The following RSPH1 variants were observed in gnomAD, a reference collection of about 807,000 sequenced individuals.
RSPH1 encodes radial spoke head 1 homolog.
Under a neutral mutation model 44.2 loss-of-function variants are expected in RSPH1, and 32 were observed. That is an observed-to-expected ratio of 0.72 (90% CI 0.55 to 0.97). The LOEUF is 0.97. Among genes scored for constraint, RSPH1 ranks in the 50% least tolerant of loss-of-function variants. RSPH1 has a pLI of 0.00. For synonymous variants in RSPH1, 134 were observed against 147.3 expected, an observed-to-expected ratio of 0.91 and a Z score of 0.65; for missense variants, 391 against 398.7, an observed-to-expected ratio of 0.98 and a Z score of 0.16.
intron 6 of RSPH1, among the ~76,000 whole-genome samples, chr21:42,480,640 CAAAAAA>C (rs780506820): frequency 2.6e-5 from 1 of 38,744 alleles, no homozygotes; most frequent in African/African-American, 9.5e-5. Flanking sequence ...AACTCCATCT[CAAAAAA>C]AAAAAAAAAA....
At chr21:42,472,969 G>T in intron 8 of RSPH1, 99 bp from the exon 9 acceptor site, 2 of 798,310 alleles carry the variant, frequency 2.5e-6, no homozygotes, top group Non-Finnish European at 4.0e-6. Context: ...AAAAATTATT[G>T]TAACTATTAA....
chr21:42,477,247 C>T (rs370781736), intron 7 of RSPH1, 44 bp downstream of exon 7: 4 of 1,475,710 alleles, frequency 2.7e-6, no homozygotes, highest in South Asian at 2.3e-5. Context: ...GGGTGCCCCA[C>T]ACCCTCTGCC....
Position 42,472,872 on chromosome 21 carries a change from TGAAAA to T in RSPH1, c.878-7_878-3del, listed in dbSNP as rs1456503289. 3 of 1,599,952 alleles carry T rather than the reference TGAAAA, an allele frequency of 1.9e-6. No homozygotes were observed. Among genetic ancestry groups the T allele is most frequent in the African/African-American group, 2.7e-5 (2 of 74,578 alleles). On this transcript the variant is annotated splice_polypyrimidine_tract_variant and splice_region_variant and intron_variant, in intron 8 of 8. Transcript: ENST00000291536. ...CTTCTTCTTCAGAATTAATGTTTCC[TGAAAA>T]GAAAAGAGAAACATGAGTATATCTC...
intron 5 of RSPH1, 185 bp downstream of exon 5, chr21:42,485,484 C>T (rs987750550): frequency 1.5e-6 from 1 of 648,576 alleles, no homozygotes; most frequent in Non-Finnish European, 2.6e-6. Flanking sequence ...CTCCCTTCCC[C>T]CAATTCTGTG....
rs753629807 is a variant in RSPH1 at position 42,485,821 on chromosome 21, G to A, written c.366-17C>T. 3.1e-6 allele frequency: 5 copies of A among 1,613,892 alleles called. No individual in the cohort carries two copies. In the East Asian group the frequency reaches 1.1e-4, roughly 36 times the overall value. On this transcript the variant is annotated splice_polypyrimidine_tract_variant and intron_variant, in intron 4 of 8. Transcript: ENST00000291536. Reference sequence around the variant, plus strand: ...TGCCCATGCCTGGTTAAGACAAGGGGAACATGGTATTTCGTTCCAGCACAG... The same window carrying A: ...TGCCCATGCCTGGTTAAGACAAGGGAAACATGGTATTTCGTTCCAGCACAG...
intron 6 of RSPH1, among the ~76,000 whole-genome samples, chr21:42,479,726 TACACACACACAC>T (rs141751119): frequency 6.9e-5 from 10 of 145,152 alleles, no homozygotes; most frequent in South Asian, 2.2e-4. Context: ...TGTAGGAGGT[TACACACACACAC>T]ACACACACAC....
Position 42,475,909 on chromosome 21 carries a change from T to A in RSPH1, c.866A>T (p.Asp289Val), listed in dbSNP as rs1464904085. The change falls in exon 8 of 9, where the codon GAC (aspartate) becomes GTC (valine). Residue 289 changes from aspartate to valine, a missense_variant. Transcript: ENST00000291536. The stretch of plus-strand genomic sequence containing the variant: ...CGCAGGGACCTCACCCTCATCCATG[T>A]CATAGCGGAACTCCTCCTGGTCATA... ...REYDQEEFRY[D>V]MDEGNINSEE... 1 of 1,610,844 alleles carries A rather than the reference T, an allele frequency of 6.2e-7. No homozygotes were observed. The highest frequency in any genetic ancestry group is 8.5e-7 in the Non-Finnish European group (1 of 1,179,374).
intron 1 of RSPH1, 144 bp downstream of exon 1, chr21:42,495,989 G>T: frequency 1.2e-6 from 1 of 809,698 alleles, no homozygotes; most frequent in Non-Finnish European, 2.1e-6. Flanking sequence ...GGTGTGTCTG[G>T]CGTGGCCTTC....
In RSPH1 at chr21:42,477,291, T is replaced by G; in HGVS notation, c.727A>C (p.Ser243Arg). Residue 243 changes from serine (S) to arginine (R), a missense_variant and splice_region_variant, in exon 7 of 9, where the codon AGT becomes CGT. Transcript: ENST00000291536. ...GPGQDAPGAE[S>R]AGEPGEEAQA... ...CCCACAGCCCGGGGGTGCCCCACAC[T>G]CTCAGCTCCTGGAGCGTCTTGGCCA... 1 of 1,451,634 alleles carries G rather than the reference T, an allele frequency of 6.9e-7. No homozygotes were observed. The highest frequency in any genetic ancestry group is 1.6e-5 in the African/African-American group (1 of 62,452). 89.9% of individuals were successfully genotyped at this position (1,451,634 alleles called of 1,614,324 possible). A position where few individuals can be genotyped will look rare whatever the true frequency, so the allele number is the denominator to read the frequency against.
At chr21:42,482,122 C>T (rs1478309798) in intron 6 of RSPH1, among the ~76,000 whole-genome samples, 1 of 152,164 alleles carries the variant, frequency 6.6e-6, no homozygotes, top group Non-Finnish European at 1.5e-5. Flanking sequence ...CTCACTCTGT[C>T]GCCCAGGCTG....
intron 6 of RSPH1, among the ~76,000 whole-genome samples, chr21:42,482,123 G>T (rs569116629): frequency 6.6e-6 from 1 of 152,128 alleles, no homozygotes; most frequent in Non-Finnish European, 1.5e-5. Context: ...TCACTCTGTC[G>T]CCCAGGCTGG....
At position 42,496,214 on chromosome 21, in the gene RSPH1, G is replaced by C; in HGVS notation, c.-28C>G. 6.2e-7 allele frequency: 1 copy of C among 1,613,454 alleles called. No homozygotes were observed. Among genetic ancestry groups the C allele is most frequent in the South Asian group, 1.1e-5 (1 of 91,064 alleles). On this transcript the variant is annotated 5_prime_UTR_variant, in exon 1 of 9. Coordinates refer to ENST00000291536, the MANE Select transcript of RSPH1 (RefSeq NM_080860.4). Reference sequence around the variant, plus strand: ...TCTCGCCCCAGCCTGGATCACAGCCGCAGCGCCTCTAGCAGGTGGGTAGCA... The same window carrying C: ...TCTCGCCCCAGCCTGGATCACAGCCCCAGCGCCTCTAGCAGGTGGGTAGCA...
chr21:42,486,296 AG>A (rs2146655922), intron 4 of RSPH1, 74 bp downstream of exon 4: 1 of 1,074,090 alleles, frequency 9.3e-7, no homozygotes, highest in Non-Finnish European at 1.4e-6. Flanking sequence ...TTCCTCAGTA[AG>A]TGTAAACAAT....
At chr21:42,487,672 C>A (rs1292213166) in intron 3 of RSPH1, among the ~76,000 whole-genome samples, 2 of 151,934 alleles carry the variant, frequency 1.3e-5, no homozygotes, top group Non-Finnish European at 2.9e-5. Context: ...TTTATATTTT[C>A]TTTTTTTTAA....
rs1568958740 is a variant in RSPH1, at chr21:42,477,029, C to CCACTCCACACACT, written c.727+261_727+262insAGTGTGTGGAGTG. 1.3e-4 allele frequency among the ~76,000 whole-genome samples: 8 copies of CCACTCCACACACT among 60,946 alleles called. 1 individual carries two copies. The highest frequency in any genetic ancestry group is 3.7e-4 in the Non-Finnish European group (8 of 21,452). 40.0% of individuals were successfully genotyped at this position (60,946 alleles called of 152,430 possible). A position where few individuals can be genotyped will look rare whatever the true frequency, so the allele number is the denominator to read the frequency against. Reference sequence around the variant, plus strand: ...CCGGGGGATGCCCCACACCCTCTGTCCCACAGCCCGGGGGTGCCCCACACC... The same window carrying CCACTCCACACACT: ...CCGGGGGATGCCCCACACCCTCTGTCCACTCCACACACTCCACAGCCCGGGGGTGCCCCACACC... On this transcript the variant is annotated intron_variant, in intron 7 of 8. Coordinates refer to ENST00000291536, the MANE Select transcript of RSPH1 (RefSeq NM_080860.4).
In RSPH1 at chr21:42,493,260, G is replaced by A. The variant is rs9979100; in HGVS notation, c.55-181C>T. ...GTAGGTAACAACGCCTGGGCTAGAT[G>A]AGGCACTAGACCAAGGCCACACCCC... On this transcript the variant is annotated intron_variant, in intron 1 of 8. Transcript: ENST00000291536. Among the ~76,000 whole-genome samples, 49,136 of 152,206 alleles carry A rather than the reference G, an allele frequency of 0.32. 9,455 individuals are homozygous for A. The highest frequency in any genetic ancestry group is 0.53 in the Admixed American group (8,160 of 15,282).
chr21:42,476,402 C>T (rs1408296446), intron 7 of RSPH1, among the ~76,000 whole-genome samples: 1 of 152,196 alleles, frequency 6.6e-6, no homozygotes, highest in Non-Finnish European at 1.5e-5. Context: ...GCTGCCCGGC[C>T]ATTCTGGGGG....
At chr21:42,473,004 G>T in intron 8 of RSPH1, 134 bp from the exon 9 acceptor site, 1 of 628,250 alleles carries the variant, frequency 1.6e-6, no homozygotes, top group South Asian at 2.1e-5. Context: ...AAAATTGAAT[G>T]TTAAATTTTA....
chr21:42,477,383 G>GT lies in RSPH1; in HGVS notation c.634dup (p.Thr212AsnfsTer5). On this transcript the variant is annotated frameshift_variant, in exon 7 of 9. Transcript: ENST00000291536. LOFTEE classifies it high-confidence loss of function. ...CCACAGGGCCAATTCAGTGATTTGG[G>GT]TAGCTTTCCATTTTGGAACAACAGT... is the stretch of plus-strand genomic sequence containing the variant. 6.2e-7 allele frequency: 1 copy of GT among 1,612,786 alleles called. No individual in the cohort carries two copies. The highest frequency in any genetic ancestry group is 8.5e-7 in the Non-Finnish European group (1 of 1,179,538).
Sources: gnomAD v4.1 joint callset for allele counts (sites outside exome capture counted in the v4.1 genomes callset) on GRCh38, gnomAD v4.1.1 for gene constraint, MANE v1.5 for transcripts, NCBI Gene and HGNC (gene_info 2026-07-23, HGNC 2026-07-21) for gene names.